The following KIF1A variants were observed in gnomAD, a reference collection of about 807,000 sequenced individuals.
The protein encoded by KIF1A is kinesin-like protein KIF1A.
Under a neutral mutation model 227.3 loss-of-function variants are expected in KIF1A, and 46 were observed. That is an observed-to-expected ratio of 0.20 (90% confidence interval 0.16 to 0.26). The LOEUF (loss-of-function observed/expected upper bound fraction) is 0.26. Ranked by LOEUF, KIF1A falls within the 10% of genes least tolerant of loss-of-function variation. The pLI is 1.00. For missense variants in KIF1A, 1,683 were observed against 2,485.9 expected (o/e 0.68, Z 6.87); for synonymous variants, 1,022 against 1,012.8 (o/e 1.01, Z -0.17).
chr2:240,730,853 C>T (rs2046519372), intron 38 of KIF1A, among the ~76,000 whole-genome samples: 1 of 152,210 alleles, frequency 6.6e-6, no homozygotes, highest in Admixed American at 6.5e-5. Context: ...TCGCACAGGG[C>T]CCAGCCAACT....
Position 240,725,542 on chromosome 2 carries a change from G to T in KIF1A, c.4123-138C>A, listed in dbSNP as rs2045914888. The T allele has an allele frequency of 2.3e-6, 2 of 883,722 alleles. No homozygotes were observed. Among genetic ancestry groups the T allele is most frequent in the Admixed American group, 5.6e-5 (2 of 35,528 alleles). The allele number at this position is 883,722 out of a possible 1,614,324, so 54.7% of individuals were successfully genotyped here. On this transcript the variant is annotated intron_variant, in intron 39 of 48. Coordinates refer to ENST00000498729, the MANE Select transcript of KIF1A (RefSeq NM_001244008.2). The surrounding 1 kb of genome is among the most constrained non-coding windows in gnomAD (Gnocchi z 5.8). ...TTCCCAGGGCCTCAGGTGTGGCCTG[G>T]ACGCAGGCAGGAGAAAGTCTCTGCT...
chr2:240,766,886 T>TG lies in KIF1A; in HGVS notation c.1684+28dup. On this transcript the variant is annotated intron_variant, in intron 19 of 48. Transcript: ENST00000498729. The surrounding 1 kb of genome is among the most constrained non-coding windows in gnomAD (Gnocchi z 5.0). Reference sequence around the variant, plus strand: ...GATCATCACGGCACAGGGGCATGGGTGCGGGTAGGGACGGTAGGGTGGTGA... The same window carrying TG: ...GATCATCACGGCACAGGGGCATGGGTGGCGGGTAGGGACGGTAGGGTGGTGA... 1 of 1,495,674 alleles carries TG rather than the reference T, an allele frequency of 6.7e-7. No individual in the cohort carries two copies. Among genetic ancestry groups the TG allele is most frequent in the South Asian group, 1.2e-5 (1 of 84,742 alleles). 92.7% of individuals were successfully genotyped at this position (1,495,674 alleles called of 1,614,324 possible). A position where few individuals can be genotyped will look rare whatever the true frequency, so the allele number is the denominator to read the frequency against.
chr2:240,804,907 A>G (rs1280583021), intron 1 of KIF1A, among the ~76,000 whole-genome samples: 2 of 151,948 alleles, frequency 1.3e-5, no homozygotes, highest in African/African-American at 4.8e-5. Context: ...ATTCCCACAT[A>G]TGAACATCAG....
Position 240,717,902 on chromosome 2 carries a change from G to A in KIF1A, c.5333+148C>T, listed in dbSNP as rs907849604. 3.2e-5 allele frequency: 22 copies of A among 679,086 alleles called. No individual in the cohort carries two copies. In the African/African-American group the frequency reaches 3.7e-4, roughly 11 times the overall value. 42.1% of individuals were successfully genotyped at this position (679,086 alleles called of 1,614,324 possible). A position where few individuals can be genotyped will look rare whatever the true frequency, so the allele number is the denominator to read the frequency against. The stretch of plus-strand genomic sequence containing the variant: ...ACCGCACCCTGCGGCTGGCCCTACT[G>A]AATGGTCCCCGCCAGGAGGGGATTG... On this transcript the variant is annotated intron_variant, in intron 48 of 48. Coordinates refer to ENST00000498729, the MANE Select transcript of KIF1A (RefSeq NM_001244008.2).
In KIF1A at chr2:240,725,130, G is replaced by A. The variant is rs1387569036; in HGVS notation, c.4256+141C>T. The A allele has an allele frequency of 5.9e-6, 5 of 840,682 alleles. No homozygotes were observed. The highest frequency in any genetic ancestry group is 5.2e-5 in the African/African-American group (3 of 57,612). 52.1% of individuals were successfully genotyped at this position (840,682 alleles called of 1,614,324 possible). A position where few individuals can be genotyped will look rare whatever the true frequency, so the allele number is the denominator to read the frequency against. On this transcript the variant is annotated intron_variant, in intron 40 of 48. Transcript: ENST00000498729. The surrounding 1 kb of genome is among the most constrained non-coding windows in gnomAD (Gnocchi z 5.8). ...GGTGAGCAGGAGGGGACTGAGCGCAGGGAGCCAGCCAGGAGTGTGGCTGGG... is the reference window on the plus strand; with the variant it reads ...GGTGAGCAGGAGGGGACTGAGCGCAAGGAGCCAGCCAGGAGTGTGGCTGGG...
intron 24 of KIF1A, 68 bp downstream of exon 24, chr2:240,761,161 T>C: frequency 1.3e-6 from 2 of 1,522,342 alleles, no homozygotes; most frequent in Non-Finnish European, 1.8e-6. Flanking sequence ...CCCAAGTAGC[T>C]GTCCCCGTCA....
At chr2:240,749,598 T>A (rs371817626) in intron 28 of KIF1A, among the ~76,000 whole-genome samples, 3 of 152,126 alleles carry the variant, frequency 2.0e-5, no homozygotes, top group East Asian at 1.9e-4. Context: ...GGACCTTCCC[T>A]CACGGCACAA....
intron 28 of KIF1A, among the ~76,000 whole-genome samples, chr2:240,748,368 A>G (rs570412952): frequency 3.3e-4 from 50 of 152,330 alleles, no homozygotes; most frequent in African/African-American, 1.2e-3. Flanking sequence ...TGGACCCCAG[A>G]GAGCTCCTCT....
At position 240,771,015 on chromosome 2, in the gene KIF1A, T is replaced by C; in HGVS notation, c.1297A>G (p.Ile433Val). Reference sequence around the variant, plus strand: ...TCCTCGCTGCCCGGGGCAAACAAGATGCGCTCGTGGAGGCTGGACACGGAG... The same window carrying C: ...TCCTCGCTGCCCGGGGCAAACAAGACGCGCTCGTGGAGGCTGGACACGGAG... ...AASVSSLHER[I>V]LFAPGSEEAI... Residue 433 changes from isoleucine to valine, a missense_variant, in exon 15 of 49, where the codon ATC becomes GTC. Ile to Val is a conservative substitution (Grantham distance 29). Transcript: ENST00000498729. 2 of 1,612,978 alleles carry C rather than the reference T, an allele frequency of 1.2e-6. No homozygotes were observed. The highest frequency in any genetic ancestry group is 2.2e-5 in the South Asian group (2 of 91,062).
chr2:240,718,038 A>AGGCGGCCCTACC lies in KIF1A; in HGVS notation c.5333_5333+11dup, dbSNP rs764011756. 2.5e-6 allele frequency: 4 copies of AGGCGGCCCTACC among 1,570,060 alleles called. No individual in the cohort carries two copies. The South Asian group carries it at 4.6e-5, about 18-fold the overall frequency. On this transcript the variant is annotated intron_variant, in intron 48 of 48. Coordinates refer to ENST00000498729, the MANE Select transcript of KIF1A (RefSeq NM_001244008.2). ...CCCCATGGCAGCAACCTCGCCCTGC[A>AGGCGGCCCTACC]GGCGGCCCTACCGTATGGTCCCGGC...
intron 14 of KIF1A, chr2:240,771,314 C>T: frequency 1.5e-6 from 1 of 664,270 alleles, no homozygotes; most frequent in African/African-American, 1.8e-5. Context: ...GCAGCCCTGC[C>T]AGGCCCAGGA....
At position 240,740,673 on chromosome 2, in the gene KIF1A, T is replaced by C. The variant is rs1368765171; in HGVS notation, c.3750-309A>G. 2.0e-5 allele frequency among the ~76,000 whole-genome samples: 3 copies of C among 152,056 alleles called. No homozygotes were observed. The highest frequency in any genetic ancestry group is 7.2e-5 in the African/African-American group (3 of 41,388). ...CCCAAGGGTCCTCTGCTTCCCCTCA[T>C]GCCCTGCAGATCCGCAACCCAAGGC... On this transcript the variant is annotated intron_variant, in intron 35 of 48. Coordinates refer to ENST00000498729, the MANE Select transcript of KIF1A (RefSeq NM_001244008.2). This position sits in a 1 kb window ranked among gnomAD's most constrained non-coding sequence, Gnocchi z 6.1.
Position 240,736,389 on chromosome 2 carries a change from C to T in KIF1A, c.4007+674G>A, listed in dbSNP as rs573407305. Among the ~76,000 whole-genome samples, 541 of 152,088 alleles carry T rather than the reference C, an allele frequency of 3.6e-3. 2 individuals are homozygous for T. The highest frequency in any genetic ancestry group is 8.5e-3 in the South Asian group (41 of 4,828). On this transcript the variant is annotated intron_variant, in intron 38 of 48. Transcript: ENST00000498729. The surrounding 1 kb of genome is among the most constrained non-coding windows in gnomAD (Gnocchi z 4.7). Reference sequence around the variant, plus strand: ...GCAGCGTCTGGGACGCAGTGGAGCCCGCGGGACGTCCCCACCCACCAGGGC... The same window carrying T: ...GCAGCGTCTGGGACGCAGTGGAGCCTGCGGGACGTCCCCACCCACCAGGGC...
chr2:240,819,986 G>T, intron 1 of KIF1A, 136 bp downstream of exon 1: 1 of 153,056 alleles, frequency 6.5e-6, no homozygotes, highest in South Asian at 1.8e-4. Flanking sequence ...CGCTTTGGGC[G>T]GCAACAAGGG....
intron 45 of KIF1A, 129 bp downstream of exon 45, chr2:240,720,785 C>T: frequency 8.5e-7 from 1 of 1,179,728 alleles, no homozygotes. Context: ...CTTCCCTCAG[C>T]CTGTGGCCAC....
rs1431107770 is a variant in KIF1A at position 240,726,585 on chromosome 2, G to A, written c.4122+241C>T. ...TGCGCCATTGCACTCCAGCCTGGGC[G>A]ACAAGAGTGAGACTCGGTCTCAAAA... On this transcript the variant is annotated intron_variant, in intron 39 of 48. Transcript: ENST00000498729. This position sits in a 1 kb window ranked among gnomAD's most constrained non-coding sequence, Gnocchi z 5.2. Among the ~76,000 whole-genome samples the A allele has an allele frequency of 1.3e-5, 2 of 152,020 alleles. No individual in the cohort carries two copies. The highest frequency in any genetic ancestry group is 2.4e-5 in the African/African-American group (1 of 41,404).
chr2:240,748,184 C>A (rs1377088822), intron 28 of KIF1A, among the ~76,000 whole-genome samples: 1 of 152,218 alleles, frequency 6.6e-6, no homozygotes, highest in Non-Finnish European at 1.5e-5. Context: ...CATGGGATAG[C>A]AGGGGCTGTG....
chr2:240,765,038 A>G (rs1050695302), intron 20 of KIF1A, among the ~76,000 whole-genome samples: 5 of 152,256 alleles, frequency 3.3e-5, no homozygotes, highest in Admixed American at 6.5e-5. Context: ...TTATACCTAG[A>G]CATGGTTGTA....
intron 2 of KIF1A, among the ~76,000 whole-genome samples, chr2:240,795,338 C>G (rs2056241133): frequency 6.6e-6 from 1 of 152,192 alleles, no homozygotes; most frequent in African/African-American, 2.4e-5. Flanking sequence ...AGGTTTCAAT[C>G]CCACTGGCTA....
Sources: gnomAD v4.1 joint callset for allele counts (sites outside exome capture counted in the v4.1 genomes callset) on GRCh38, gnomAD v4.1.1 for gene constraint, Gnocchi (gnomAD v3.1) non-coding constraint, MANE v1.5 for transcripts, NCBI Gene and HGNC (gene_info 2026-07-23, HGNC 2026-07-21) for gene names.